The following LMBR1 variants were observed in gnomAD, a reference collection of about 807,000 sequenced individuals.
The protein encoded by LMBR1 is limb region 1 protein homolog.
LMBR1 carries 52 observed loss-of-function variants against 73.9 expected under a neutral mutation model. That is an observed-to-expected ratio of 0.70 (90% confidence interval 0.56 to 0.89). The LOEUF (loss-of-function observed/expected upper bound fraction) is 0.89, where lower values mean the gene tolerates loss of function less well. Among genes scored for constraint, LMBR1 ranks in the 40% least tolerant of loss-of-function variants. The pLI, the probability that LMBR1 is intolerant of heterozygous loss-of-function variation, is 0.00. For synonymous variants in LMBR1, 215 were observed against 209.4 expected (o/e 1.03, Z -0.23); for missense variants, 539 against 579.8 (o/e 0.93, Z 0.72).
intron 3 of LMBR1, among the ~76,000 whole-genome samples, chr7:156,827,786 G>A (rs565560478): frequency 2.2e-4 from 33 of 152,284 alleles, no homozygotes; most frequent in Non-Finnish European, 4.1e-4. Context: ...ATGCCATCTT[G>A]TGGCAACCAA....
At chr7:156,719,638 A>G (rs889154932) in intron 15 of LMBR1, among the ~76,000 whole-genome samples, 96 of 152,248 alleles carry the variant, frequency 6.3e-4, no homozygotes, top group African/African-American at 2.1e-3. Context: ...AAGAGCCCGC[A>G]TCGCCAAGTC....
At chr7:156,763,927 AC>A in intron 5 of LMBR1, 132 bp from the exon 6 acceptor site, 1 of 589,932 alleles carries the variant, frequency 1.7e-6, no homozygotes, top group South Asian at 4.2e-5. Context: ...AAGGAAAAAA[AC>A]ACTAGGTACT....
At chr7:156,718,630 G>A (rs1333924881) in intron 15 of LMBR1, among the ~76,000 whole-genome samples, 2 of 152,008 alleles carry the variant, frequency 1.3e-5, no homozygotes, top group African/African-American at 4.8e-5. Flanking sequence ...CCAGCTACTC[G>A]GGAGGCTGAG....
In LMBR1 at chr7:156,789,394, CTT is replaced by C. The variant is rs1023465093; in HGVS notation, c.423+6993_423+6994del. 8.5e-5 allele frequency among the ~76,000 whole-genome samples: 13 copies of C among 152,262 alleles called. No homozygotes were observed. Among genetic ancestry groups the C allele is most frequent in the African/African-American group, 2.9e-4 (12 of 41,548 alleles). Reference sequence around the variant, plus strand: ...TATTTAAGTCGTATCATGTTAGTGACTTAAGTTTTAAAGAAAAGTAGATTTAT... The same window carrying C: ...TATTTAAGTCGTATCATGTTAGTGACAAGTTTTAAAGAAAAGTAGATTTAT... On this transcript the variant is annotated intron_variant, in intron 5 of 16. Coordinates refer to ENST00000353442, the MANE Select transcript of LMBR1 (RefSeq NM_022458.4).
chr7:156,886,164 C>T (rs78520438), intron 1 of LMBR1, among the ~76,000 whole-genome samples: 4,248 of 152,208 alleles, frequency 0.028, 202 homozygotes, highest in African/African-American at 0.097. Flanking sequence ...CGGAACCACA[C>T]TCTGCCTCAA....
intron 3 of LMBR1, among the ~76,000 whole-genome samples, chr7:156,828,153 T>C (rs1380763350): frequency 6.6e-6 from 1 of 152,190 alleles, no homozygotes; most frequent in Admixed American, 6.5e-5. Context: ...CACACGGCTA[T>C]CCCAAGATAA....
chr7:156,782,170 T>TA (rs1827247323), intron 5 of LMBR1, among the ~76,000 whole-genome samples: 1 of 152,232 alleles, frequency 6.6e-6, no homozygotes, highest in African/African-American at 2.4e-5. Context: ...TAGGGCTGAA[T>TA]AATACTTCAT....
intron 10 of LMBR1, among the ~76,000 whole-genome samples, chr7:156,732,848 CA>C (rs1304408070): frequency 6.6e-6 from 1 of 152,182 alleles, no homozygotes; most frequent in Non-Finnish European, 1.5e-5. Flanking sequence ...CTCACTTACA[CA>C]GCTACTATAA....
chr7:156,704,934 C>T (rs1339595071), intron 15 of LMBR1, among the ~76,000 whole-genome samples: 1 of 151,846 alleles, frequency 6.6e-6, no homozygotes, highest in Non-Finnish European at 1.5e-5. Flanking sequence ...AAGAATGAAG[C>T]CTTGGAGATG....
At chr7:156,835,926 C>G (rs1282366578) in intron 2 of LMBR1, among the ~76,000 whole-genome samples, 1 of 152,168 alleles carries the variant, frequency 6.6e-6, no homozygotes, top group Non-Finnish European at 1.5e-5. Flanking sequence ...TCTCTCCCTC[C>G]TTCTGTGTCT....
chr7:156,761,989 A>AG (rs1823128724), intron 8 of LMBR1, 145 bp downstream of exon 8: 1 of 584,832 alleles, frequency 1.7e-6, no homozygotes, highest in Non-Finnish European at 3.0e-6. Context: ...AAAAAAAAAA[A>AG]AAACTTAATA....
At chr7:156,723,431 A>C (rs932646326) in intron 15 of LMBR1, among the ~76,000 whole-genome samples, 3 of 152,184 alleles carry the variant, frequency 2.0e-5, no homozygotes, top group Admixed American at 2.0e-4. Context: ...TGCTTAATGG[A>C]AACTTTTGTC....
intron 15 of LMBR1, among the ~76,000 whole-genome samples, chr7:156,723,366 A>T (rs1815014472): frequency 6.6e-6 from 1 of 152,132 alleles, no homozygotes; most frequent in African/African-American, 2.4e-5. Context: ...AAAATTTTCC[A>T]ATCATTCGTG....
At chr7:156,719,214 G>A (rs1487003589) in intron 15 of LMBR1, among the ~76,000 whole-genome samples, 2 of 140,790 alleles carry the variant, frequency 1.4e-5, no homozygotes, top group African/African-American at 2.7e-5. Context: ...TCCCACCTAT[G>A]AGTGAGAACA....
chr7:156,756,224 C>G (rs1821845427), intron 9 of LMBR1, among the ~76,000 whole-genome samples, 169 bp downstream of exon 9: 1 of 152,184 alleles, frequency 6.6e-6, no homozygotes, highest in Non-Finnish European at 1.5e-5. Context: ...CAGCCAGGGT[C>G]TGCAATAACC....
chr7:156,850,236 C>T (rs915082188), intron 1 of LMBR1, among the ~76,000 whole-genome samples: 1 of 152,156 alleles, frequency 6.6e-6, no homozygotes, highest in African/African-American at 2.4e-5. Flanking sequence ...TCTTGCCCTT[C>T]TGCCTTCCAC....
rs1343950098 is a variant in LMBR1 at position 156,680,403 on chromosome 7, A to AGAGAGAGAGAGAGTGTGTGTGTGTGTGT, written c.*3674_*3675insACACACACACACACACTCTCTCTCTCTC. ...GAGAGAGAGAGAGAGAGAGAGAGAG[A>AGAGAGAGAGAGAGTGTGTGTGTGTGTGT]GTGTGTGTGTGTGTGTGTGTGTAAT... On this transcript the variant is annotated 3_prime_UTR_variant, in exon 17 of 17. Coordinates refer to ENST00000353442, the MANE Select transcript of LMBR1 (RefSeq NM_022458.4). 4.0e-5 allele frequency: 5 copies of AGAGAGAGAGAGAGTGTGTGTGTGTGTGT among 125,066 alleles called. No individual in the cohort carries two copies. The highest frequency in any genetic ancestry group is 1.2e-4 in the African/African-American group (4 of 32,558). 7.7% of individuals were successfully genotyped at this position (125,066 alleles called of 1,614,324 possible). A position where few individuals can be genotyped will look rare whatever the true frequency, so the allele number is the denominator to read the frequency against.
rs1406656023 is a variant in LMBR1, at chr7:156,735,656, T to C, written c.758-1399A>G. Among the ~76,000 whole-genome samples, 4 of 151,302 alleles carry C rather than the reference T, an allele frequency of 2.6e-5. No individual in the cohort carries two copies. In the South Asian group the frequency reaches 8.6e-4, roughly 32 times the overall value. On this transcript the variant is annotated intron_variant, in intron 9 of 16. Transcript: ENST00000353442. ...TTGTTTTTCATCCTAGACTGTTACA[T>C]CTTCCTTATGAATCATATATTTTAT... is the stretch of plus-strand genomic sequence containing the variant.
chr7:156,877,620 ATG>A (rs1800379148), intron 1 of LMBR1, among the ~76,000 whole-genome samples: 1 of 152,130 alleles, frequency 6.6e-6, no homozygotes, highest in Admixed American at 6.5e-5. Flanking sequence ...GCGGTGGCTC[ATG>A]CCTGTAATCC....
Sources: gnomAD v4.1 joint callset for allele counts (sites outside exome capture counted in the v4.1 genomes callset) on GRCh38, gnomAD v4.1.1 for gene constraint, MANE v1.5 for transcripts, NCBI Gene and HGNC (gene_info 2026-07-23, HGNC 2026-07-21) for gene names.